The following SEL1L2 variants were observed in gnomAD, a reference collection of about 807,000 sequenced individuals.
The protein encoded by SEL1L2 is SEL1L2 adaptor subunit of SYVN1 ubiquitin ligase, also known as protein sel-1 homolog 2.
SEL1L2 carries 89 observed loss-of-function variants against 98.8 expected under a neutral mutation model. That is an observed-to-expected ratio of 0.90 (90% confidence interval 0.76 to 1.07). The LOEUF (loss-of-function observed/expected upper bound fraction) is 1.07, where lower values mean the gene tolerates loss of function less well. SEL1L2 is among the 50% of genes least tolerant of loss of function. SEL1L2 has a pLI of 0.00. For synonymous variants in SEL1L2, 262 were observed against 278.5 expected (o/e 0.94, Z 0.59); for missense variants, 788 against 812.0 (o/e 0.97, Z 0.36).
At chr20:13,925,182 T>G (rs2048833226) in intron 3 of SEL1L2, among the ~76,000 whole-genome samples, 2 of 152,214 alleles carry the variant, frequency 1.3e-5, no homozygotes, top group Admixed American at 6.5e-5. Flanking sequence ...TTATTGTGTG[T>G]GTGTAGTCAC....
At chr20:13,994,732 A>G (rs1273647386), upstream of SEL1L2, among the ~76,000 whole-genome samples, 1 of 152,222 alleles carries the variant, frequency 6.6e-6, no homozygotes, top group Non-Finnish European at 1.5e-5. Flanking sequence ...AGCAATTGGT[A>G]GAATAAAGTA....
Position 13,876,072 on chromosome 20 carries a change from G to C in SEL1L2, c.1070C>G (p.Thr357Ser). 1 of 1,614,084 alleles carries C rather than the reference G, an allele frequency of 6.2e-7. No homozygotes were observed. The highest frequency in any genetic ancestry group is 8.5e-7 in the Non-Finnish European group (1 of 1,179,878). ...TGCCATGGAAAAGTACTTGAAGGCA[G>C]TAGCGTTATTTTGCGGCACGGCAGC... ...GNAAVPQNNATAFKYFSMAAS... is the reference protein window; with the variant it reads ...GNAAVPQNNASAFKYFSMAAS... The change falls in exon 12 of 20, where the codon ACT (threonine) becomes AGT (serine). Residue 357 changes from threonine to serine, a missense_variant. Thr to Ser is a moderately conservative substitution (Grantham distance 58). Transcript: ENST00000284951.
rs551687964 is a variant in SEL1L2 at position 13,907,361 on chromosome 20, T to G, written c.549+6421A>C. On this transcript the variant is annotated intron_variant, in intron 5 of 19. Transcript: ENST00000284951. ...TGGAGGATCACTTGAGGCCAGGAGTTTGAGACCAGCCAGAGCAACATAGTG... is the reference window on the plus strand; with the variant it reads ...TGGAGGATCACTTGAGGCCAGGAGTGTGAGACCAGCCAGAGCAACATAGTG... 1.1e-4 allele frequency among the ~76,000 whole-genome samples: 16 copies of G among 152,204 alleles called. No individual in the cohort carries two copies. The East Asian group carries it at 1.9e-3, about 18-fold the overall frequency.
intron 5 of SEL1L2, among the ~76,000 whole-genome samples, chr20:13,896,505 C>CA (rs2047432939): frequency 6.8e-6 from 1 of 147,652 alleles, no homozygotes; most frequent in African/African-American, 2.5e-5. Flanking sequence ...AAACAAACAA[C>CA]TCCCCCCCCC....
At chr20:13,897,926 A>AT (rs2047492177) in intron 5 of SEL1L2, among the ~76,000 whole-genome samples, 1 of 151,630 alleles carries the variant, frequency 6.6e-6, no homozygotes, top group African/African-American at 2.4e-5. Flanking sequence ...CATACCTGTT[A>AT]AGATGGCCAC....
chr20:13,901,132 G>A (rs1278308137), intron 5 of SEL1L2, among the ~76,000 whole-genome samples: 9 of 145,578 alleles, frequency 6.2e-5, no homozygotes, highest in African/African-American at 2.0e-4. Flanking sequence ...GTGCAGTGGC[G>A]CGATCTCGGC....
At chr20:13,966,293 CTCT>C (rs11468038) in intron 1 of SEL1L2, among the ~76,000 whole-genome samples, 17,277 of 151,498 alleles carry the variant, frequency 0.11, 1,154 homozygotes, top group Admixed American at 0.18. Flanking sequence ...TCCTTCTTGC[CTCT>C]TCTTCTTCTT....
chr20:13,904,344 C>T (rs139071418), intron 5 of SEL1L2, among the ~76,000 whole-genome samples: 1,742 of 152,220 alleles, frequency 0.011, 22 homozygotes, highest in African/African-American at 0.039. Context: ...GCCTGGCCAA[C>T]GTGGTGAAAC....
intron 1 of SEL1L2, among the ~76,000 whole-genome samples, chr20:13,986,423 A>G (rs1409791994): frequency 6.8e-6 from 1 of 147,696 alleles, no homozygotes; most frequent in Non-Finnish European, 1.5e-5. Context: ...GCCATTCCCT[A>G]ATCCAGTAAT....
chr20:13,888,804 A>ATT (rs36004055), intron 5 of SEL1L2, among the ~76,000 whole-genome samples: 6,933 of 134,948 alleles, frequency 0.051, 271 homozygotes, highest in African/African-American at 0.11. Flanking sequence ...ACGCCCCGCT[A>ATT]TTTTTTTTTT....
chr20:13,887,910 A>C (rs750099893), intron 7 of SEL1L2, 32 bp downstream of exon 7: 2 of 1,611,034 alleles, frequency 1.2e-6, no homozygotes, highest in Non-Finnish European at 1.7e-6. Flanking sequence ...ATGGCATACA[A>C]ATTTGGTTCC....
intron 18 of SEL1L2, among the ~76,000 whole-genome samples, chr20:13,856,951 TCTC>T (rs1350551370): frequency 6.6e-6 from 1 of 152,170 alleles, no homozygotes; most frequent in African/African-American, 2.4e-5. Context: ...GAAGGCCTAT[TCTC>T]CTACTCTCTT....
At chr20:13,877,415 C>T (rs932766308) in intron 11 of SEL1L2, 105 bp downstream of exon 11, 17 of 849,580 alleles carry the variant, frequency 2.0e-5, no homozygotes, top group Non-Finnish European at 3.2e-5. Context: ...ATCTTTCCAC[C>T]TCAACTTCCC....
At position 13,866,006 on chromosome 20, in the gene SEL1L2, C is replaced by T. The variant is rs570511663; in HGVS notation, c.1405-492G>A. ...AGAGGTGTGCAGAGCCCTAGGGGGA[C>T]AAATGTCAACTTAGCTGAATAGCCC... On this transcript the variant is annotated intron_variant, in intron 15 of 19. Coordinates refer to ENST00000284951, the MANE Select transcript of SEL1L2 (RefSeq NM_025229.2). Among the ~76,000 whole-genome samples, 12 of 152,158 alleles carry T rather than the reference C, an allele frequency of 7.9e-5. No individual in the cohort carries two copies. In the East Asian group the frequency reaches 2.3e-3, roughly 29 times the overall value.
chr20:13,958,065 A>G (rs771585164), intron 1 of SEL1L2, among the ~76,000 whole-genome samples: 2 of 152,200 alleles, frequency 1.3e-5, no homozygotes, highest in African/African-American at 4.8e-5. Context: ...AAGTGATTAT[A>G]TTGGGACCAT....
At chr20:13,920,765 T>G (rs1483107408) in intron 3 of SEL1L2, among the ~76,000 whole-genome samples, 4 of 152,232 alleles carry the variant, frequency 2.6e-5, no homozygotes, top group Non-Finnish European at 5.9e-5. Flanking sequence ...CTCTTGTTTT[T>G]TATCTTTCTG....
At chr20:13,947,185 G>A (rs1364797063) in intron 2 of SEL1L2, among the ~76,000 whole-genome samples, 1 of 151,860 alleles carries the variant, frequency 6.6e-6, no homozygotes. Context: ...CTTTTTTTAG[G>A]CCGACCCATG....
intron 17 of SEL1L2, among the ~76,000 whole-genome samples, chr20:13,860,265 T>A (rs987426778): frequency 6.6e-6 from 1 of 152,138 alleles, no homozygotes; most frequent in Non-Finnish European, 1.5e-5. Context: ...ATTTCTCTGT[T>A]CCCCTTTACA....
At chr20:13,935,835 C>T (rs1269871672) in intron 2 of SEL1L2, among the ~76,000 whole-genome samples, 2 of 151,978 alleles carry the variant, frequency 1.3e-5, no homozygotes, top group South Asian at 2.1e-4. Flanking sequence ...AAGAGGCCAA[C>T]TGAAATAGGC....
Sources: gnomAD v4.1 joint callset for allele counts (sites outside exome capture counted in the v4.1 genomes callset) on GRCh38, gnomAD v4.1.1 for gene constraint, MANE v1.5 for transcripts, NCBI Gene and HGNC (gene_info 2026-07-23, HGNC 2026-07-21) for gene names.